ZNF804B: variants seen among roughly 807,000 people sequenced by gnomAD.
The protein encoded by ZNF804B is zinc finger protein 804B.
ZNF804B carries 80 observed loss-of-function variants against 101.4 expected under a neutral mutation model. The observed-to-expected ratio is 0.79, with a 90% CI of 0.66 to 0.95. The LOEUF (loss-of-function observed/expected upper bound fraction) is 0.95. Ranked by LOEUF, ZNF804B falls within the 40% of genes least tolerant of loss-of-function variation. The pLI is 0.00. For missense variants in ZNF804B, 1,673 were observed against 1,561.9 expected (o/e 1.07, Z -1.20); for synonymous variants, 622 against 558.8 (o/e 1.11, Z -1.59).
chr7:89,273,983 C>T (rs10244293), intron 2 of ZNF804B, among the ~76,000 whole-genome samples: 6,259 of 152,046 alleles, frequency 0.041, 141 homozygotes, highest in Non-Finnish European at 0.049. Flanking sequence ...TTTCAGATAA[C>T]AGTCTTTCAA....
intron 2 of ZNF804B, among the ~76,000 whole-genome samples, chr7:89,323,844 C>T (rs1391647530): frequency 6.6e-6 from 1 of 152,030 alleles, no homozygotes; most frequent in Non-Finnish European, 1.5e-5. Context: ...CATTACACAC[C>T]CTCAAAGAAC....
intron 1 of ZNF804B, among the ~76,000 whole-genome samples, chr7:88,818,189 A>T (rs536951624): frequency 1.7e-4 from 26 of 152,350 alleles, no homozygotes; most frequent in African/African-American, 6.0e-4. Context: ...TTAAATGTCC[A>T]TGAAGCATAA....
At chr7:88,920,322 C>T (rs1390860360) in intron 1 of ZNF804B, among the ~76,000 whole-genome samples, 1 of 152,020 alleles carries the variant, frequency 6.6e-6, no homozygotes, top group Non-Finnish European at 1.5e-5. Flanking sequence ...TTACTCCTAG[C>T]AACATTACTA....
At chr7:88,762,886 T>C (rs1028879953) in intron 1 of ZNF804B, among the ~76,000 whole-genome samples, 20 of 152,162 alleles carry the variant, frequency 1.3e-4, no homozygotes, top group Non-Finnish European at 2.2e-4. Flanking sequence ...TATCCAAGTG[T>C]CTCTCCTATT....
rs553072882 is a variant in ZNF804B at position 89,338,397 on chromosome 7, A to G, written c.*1365A>G. Among the ~76,000 whole-genome samples the G allele has an allele frequency of 2.0e-5, 3 of 152,192 alleles. No homozygotes were observed. The South Asian group carries it at 6.2e-4, about 32-fold the overall frequency. ...TATCTTCTTTAATTTTCACAACTGT[A>G]TTTTGAAATCAGTATTATCATTCCT... On this transcript the variant is annotated 3_prime_UTR_variant, in exon 4 of 4. Transcript: ENST00000333190.
At chr7:88,946,554 CTTT>C (rs202172425) in intron 1 of ZNF804B, among the ~76,000 whole-genome samples, 21 of 128,104 alleles carry the variant, frequency 1.6e-4, no homozygotes, top group Non-Finnish European at 1.8e-4. Flanking sequence ...CTGAAATTTT[CTTT>C]TTTTTTTTTT....
Position 89,323,898 on chromosome 7 carries a change from G to T in ZNF804B, c.250-3446G>T, listed in dbSNP as rs115515450. Among the ~76,000 whole-genome samples, 536 of 152,202 alleles carry T rather than the reference G, an allele frequency of 3.5e-3. 3 individuals are homozygous for T. The highest frequency in any genetic ancestry group is 0.012 in the African/African-American group (514 of 41,544). The stretch of plus-strand genomic sequence containing the variant: ...TTATGTTCTCTTTAAATGGAGGAAG[G>T]TTACTGACAATCATTGTATGTGCCA... On this transcript the variant is annotated intron_variant, in intron 2 of 3. Coordinates refer to ENST00000333190, the MANE Select transcript of ZNF804B (RefSeq NM_181646.5).
chr7:88,988,477 G>A (rs766804850), intron 1 of ZNF804B, among the ~76,000 whole-genome samples: 12 of 152,236 alleles, frequency 7.9e-5, no homozygotes, highest in East Asian at 3.9e-4. Context: ...ATTCACTGAC[G>A]TATATACAGC....
At position 89,336,215 on chromosome 7, in the gene ZNF804B, C is replaced by G; in HGVS notation, c.3233C>G (p.Pro1078Arg). 6.2e-7 allele frequency: 1 copy of G among 1,613,698 alleles called. No homozygotes were observed. The highest frequency in any genetic ancestry group is 8.5e-7 in the Non-Finnish European group (1 of 1,179,924). The change falls in exon 4 of 4, where the codon CCG becomes CGG. Residue 1078 changes from proline (P) to arginine (R), a missense_variant. Transcript: ENST00000333190. ...PVPNEFPGAF[P>R]SNKYTGVTDS... The stretch of plus-strand genomic sequence containing the variant: ...CCAAATGAATTCCCTGGTGCTTTTC[C>G]GTCTAATAAATATACTGGTGTGACT...
chr7:88,919,157 C>T (rs1792682060), intron 1 of ZNF804B, among the ~76,000 whole-genome samples: 1 of 152,036 alleles, frequency 6.6e-6, no homozygotes, highest in Admixed American at 6.6e-5. Flanking sequence ...TTTCTAGATG[C>T]CTTTCTTCCC....
At chr7:89,261,944 C>A (rs1304469632) in intron 2 of ZNF804B, among the ~76,000 whole-genome samples, 1 of 152,152 alleles carries the variant, frequency 6.6e-6, no homozygotes, top group Non-Finnish European at 1.5e-5. Context: ...GAATCCTTCT[C>A]ACTTTCTGGG....
intron 1 of ZNF804B, among the ~76,000 whole-genome samples, chr7:88,931,735 A>G (rs187886821): frequency 3.8e-4 from 57 of 151,960 alleles, no homozygotes; most frequent in Non-Finnish European, 6.0e-4. Context: ...CTCTGAATCT[A>G]TCACCTTGCC....
At chr7:88,847,606 G>A (rs1475714063) in intron 1 of ZNF804B, among the ~76,000 whole-genome samples, 1 of 152,082 alleles carries the variant, frequency 6.6e-6, no homozygotes, top group African/African-American at 2.4e-5. Flanking sequence ...GGGGGTACAG[G>A]GATGGTTGGG....
chr7:89,140,412 C>G (rs1424006678), intron 1 of ZNF804B, among the ~76,000 whole-genome samples: 1 of 152,074 alleles, frequency 6.6e-6, no homozygotes, highest in East Asian at 1.9e-4. Context: ...TACTCTCTAA[C>G]TATGAAAGTC....
At chr7:89,059,535 G>A (rs1260889693) in intron 1 of ZNF804B, among the ~76,000 whole-genome samples, 7 of 152,060 alleles carry the variant, frequency 4.6e-5, no homozygotes, top group Non-Finnish European at 5.9e-5. Flanking sequence ...ACTGCACTAA[G>A]CCATTCATGA....
At chr7:88,997,279 T>C (rs545157865) in intron 1 of ZNF804B, among the ~76,000 whole-genome samples, 1 of 152,228 alleles carries the variant, frequency 6.6e-6, no homozygotes, top group South Asian at 2.1e-4. Context: ...GTAGTTATCA[T>C]TACATCCAGA....
intron 1 of ZNF804B, among the ~76,000 whole-genome samples, chr7:88,992,866 T>C (rs527328547): frequency 1.3e-4 from 20 of 152,190 alleles, no homozygotes; most frequent in African/African-American, 4.8e-4. Flanking sequence ...TTGTGTATAG[T>C]AATCAAAATA....
chr7:89,030,432 G>T (rs973580424), intron 1 of ZNF804B, among the ~76,000 whole-genome samples: 3 of 151,762 alleles, frequency 2.0e-5, no homozygotes, highest in Non-Finnish European at 4.4e-5. Context: ...AGAGTATATT[G>T]ATTTATTAAT....
chr7:88,759,912 C>A lies in ZNF804B; in HGVS notation c.-65C>A. 6.9e-7 allele frequency: 1 copy of A among 1,450,750 alleles called. No individual in the cohort carries two copies. Among genetic ancestry groups the A allele is most frequent in the Non-Finnish European group, 9.7e-7 (1 of 1,036,044 alleles). The allele number at this position is 1,450,750 out of a possible 1,614,324, so 89.9% of individuals were successfully genotyped here. A position where few individuals can be genotyped will look rare whatever the true frequency, so the allele number is the denominator to read the frequency against. ...TAGTCGCTGTTGCCGCTGAGAAACC[C>A]GCCCGCTTTCCACGGCTGGTCGCCT... is the stretch of plus-strand genomic sequence containing the variant. On this transcript the variant is annotated 5_prime_UTR_variant, in exon 1 of 4. Coordinates refer to ENST00000333190, the MANE Select transcript of ZNF804B (RefSeq NM_181646.5).
Sources: gnomAD v4.1 joint callset for allele counts (sites outside exome capture counted in the v4.1 genomes callset) on GRCh38, gnomAD v4.1.1 for gene constraint, MANE v1.5 for transcripts, NCBI Gene and HGNC (gene_info 2026-07-23, HGNC 2026-07-21) for gene names.